CTNNA3: variants seen among roughly 807,000 people sequenced by gnomAD.
The protein encoded by CTNNA3 is catenin alpha-3.
CTNNA3 carries 76 observed loss-of-function variants against 95.7 expected under a neutral mutation model. The observed-to-expected ratio is 0.79, with a 90% CI of 0.66 to 0.96. CTNNA3 has a LOEUF of 0.96. Ranked by LOEUF, CTNNA3 falls within the 40% of genes least tolerant of loss-of-function variation. CTNNA3 has a pLI of 0.00. For missense variants in CTNNA3, 1,191 were observed against 1,089.8 expected, an observed-to-expected ratio of 1.09 and a Z score of -1.31; for synonymous variants, 431 against 374.4, an observed-to-expected ratio of 1.15 and a Z score of -1.74.
At chr10:66,541,951 A>C (rs1841868232) in intron 10 of CTNNA3, among the ~76,000 whole-genome samples, 1 of 152,168 alleles carries the variant, frequency 6.6e-6, no homozygotes. Flanking sequence ...GTGAACAGGC[A>C]ACCTACAAAA....
At chr10:66,228,438 A>G (rs1564788994) in intron 13 of CTNNA3, among the ~76,000 whole-genome samples, 1 of 152,024 alleles carries the variant, frequency 6.6e-6, no homozygotes. Context: ...ATTCAGGGGC[A>G]CGTTGTTTGA....
chr10:67,720,126 CTGCTTTT>C, intron 1 of CTNNA3, among the ~76,000 whole-genome samples: 1 of 4,432 alleles, frequency 2.3e-4, no homozygotes, highest in East Asian at 8.9e-4. Context: ...ATTGCAACCC[CTGCTTTT>C]TTTTTTTTTT....
At position 66,927,348 on chromosome 10, in the gene CTNNA3, G is replaced by A. The variant is rs145390422; in HGVS notation, c.1048-151824C>T. The A allele has an allele frequency of 1.6e-4, 260 of 1,614,124 alleles. No individual in the cohort carries two copies. In the African/African-American group the frequency reaches 2.2e-3, roughly 13 times the overall value. ...GGAACTTGGATCTGTCCTATAATCA[G>A]CTGCATTCTCTGGGATCTGAACAGT... is the stretch of plus-strand genomic sequence containing the variant. On this transcript the variant is annotated intron_variant, in intron 7 of 17. Coordinates refer to ENST00000433211, the MANE Select transcript of CTNNA3 (RefSeq NM_013266.4). This position sits in a 1 kb window ranked among gnomAD's most constrained non-coding sequence, Gnocchi z 4.7.
intron 13 of CTNNA3, among the ~76,000 whole-genome samples, chr10:66,254,136 A>G (rs2090665816): frequency 6.6e-6 from 1 of 152,154 alleles, no homozygotes; most frequent in Non-Finnish European, 1.5e-5. Context: ...AGACAACACT[A>G]CTAAATACAC....
At chr10:67,327,301 T>C (rs1841578650) in intron 5 of CTNNA3, among the ~76,000 whole-genome samples, 1 of 152,226 alleles carries the variant, frequency 6.6e-6, no homozygotes, top group South Asian at 2.1e-4. Flanking sequence ...GAAGGTACTC[T>C]GGCTTTTTGA....
intron 7 of CTNNA3, among the ~76,000 whole-genome samples, chr10:67,095,787 G>A (rs1225886487): frequency 6.6e-6 from 1 of 151,798 alleles, no homozygotes; most frequent in African/African-American, 2.4e-5. Flanking sequence ...AGAGGATAAT[G>A]TAAAACTCGT....
chr10:66,486,219 C>A (rs1259134409), intron 11 of CTNNA3, among the ~76,000 whole-genome samples: 1 of 152,124 alleles, frequency 6.6e-6, no homozygotes, highest in African/African-American at 2.4e-5. Context: ...TTACATCAAA[C>A]TGAAAATCAT....
At chr10:66,662,496 C>A (rs1207883777) in intron 9 of CTNNA3, among the ~76,000 whole-genome samples, 1 of 152,066 alleles carries the variant, frequency 6.6e-6, no homozygotes, top group East Asian at 1.9e-4. Flanking sequence ...CACTTTCTTC[C>A]CCTTTCATTA....
chr10:66,691,408 G>C (rs10822882), intron 9 of CTNNA3, among the ~76,000 whole-genome samples: 48,631 of 152,138 alleles, frequency 0.32, 8,734 homozygotes, highest in East Asian at 0.58. Flanking sequence ...GGCTGGGGGA[G>C]GGGCACCCAC....
At chr10:66,648,273 C>T (rs1001086501) in intron 9 of CTNNA3, among the ~76,000 whole-genome samples, 5 of 152,134 alleles carry the variant, frequency 3.3e-5, no homozygotes, top group African/African-American at 1.2e-4. Context: ...GTGTTGCCCA[C>T]AGCGGCTGAT....
intron 12 of CTNNA3, among the ~76,000 whole-genome samples, chr10:66,289,965 T>C (rs1467672836): frequency 6.6e-6 from 1 of 152,088 alleles, no homozygotes; most frequent in Non-Finnish European, 1.5e-5. Context: ...TTCACAATCA[T>C]ACATGCATTG....
chr10:65,970,456 C>A (rs2078071210), intron 16 of CTNNA3, among the ~76,000 whole-genome samples: 2 of 151,902 alleles, frequency 1.3e-5, no homozygotes, highest in Admixed American at 1.3e-4. Context: ...AGCCTAAACC[C>A]CCCACTTAAA....
intron 9 of CTNNA3, among the ~76,000 whole-genome samples, chr10:66,669,583 T>G (rs1167778787): frequency 6.6e-6 from 1 of 151,942 alleles, no homozygotes; most frequent in Non-Finnish European, 1.5e-5. Context: ...AGTTAAAAAA[T>G]AATCTAAAGT....
At chr10:66,700,236 T>C (rs1847901059) in intron 9 of CTNNA3, among the ~76,000 whole-genome samples, 1 of 152,130 alleles carries the variant, frequency 6.6e-6, no homozygotes, top group Non-Finnish European at 1.5e-5. Context: ...AGTTTTTCCC[T>C]TGTTTTCTTC....
intron 14 of CTNNA3, among the ~76,000 whole-genome samples, chr10:66,076,829 T>C (rs571843284): frequency 1.7e-4 from 26 of 151,886 alleles, no homozygotes; most frequent in Admixed American, 1.6e-3. Flanking sequence ...TATGATGAGG[T>C]AGATATTAAT....
At chr10:67,426,732 C>T (rs1564641800) in intron 5 of CTNNA3, among the ~76,000 whole-genome samples, 1 of 151,500 alleles carries the variant, frequency 6.6e-6, no homozygotes, top group East Asian at 1.9e-4. Context: ...GTGCAGCAAA[C>T]CAACATGGCA....
intron 7 of CTNNA3, among the ~76,000 whole-genome samples, chr10:66,860,358 A>G (rs1411293970): frequency 6.6e-6 from 1 of 152,036 alleles, no homozygotes; most frequent in Non-Finnish European, 1.5e-5. Context: ...ACATCGAAAA[A>G]CCTACAAAAA....
chr10:67,017,725 CTGTGTG>C (rs10586644), intron 7 of CTNNA3, among the ~76,000 whole-genome samples: 3,377 of 147,966 alleles, frequency 0.023, 114 homozygotes, highest in African/African-American at 0.076. Flanking sequence ...CAAAAATCAT[CTGTGTG>C]TGTGTGTGTG....
At chr10:67,482,986 C>T (rs914592383) in intron 5 of CTNNA3, among the ~76,000 whole-genome samples, 1 of 152,146 alleles carries the variant, frequency 6.6e-6, no homozygotes, top group African/African-American at 2.4e-5. Context: ...CAAAAGAAGA[C>T]ATTTATGTAG....
Sources: allele counts gnomAD v4.1 joint callset (sites outside exome capture counted in the v4.1 genomes callset), GRCh38; gene constraint gnomAD v4.1.1; non-coding constraint Gnocchi (gnomAD v3.1); transcripts MANE v1.5; gene names NCBI Gene and HGNC (gene_info 2026-07-23, HGNC 2026-07-21).